Variants in ANO7 observed in about 807,000 individuals in gnomAD.
ANO7 encodes the protein anoctamin-7.
A neutral mutation model predicts 115.8 loss-of-function variants in ANO7; 114 were observed. The observed-to-expected ratio is 0.98, with a 90% CI of 0.85 to 1.15. The LOEUF is 1.15. Among genes scored for constraint, ANO7 ranks in the 50% most tolerant of loss-of-function variants. The probability of loss-of-function intolerance (pLI) is 0.00; values close to 1 mark genes in which losing one functional copy is unlikely to be tolerated. For missense variants in ANO7, 1,302 were observed against 1,201.2 expected, an observed-to-expected ratio of 1.08 and a Z score of -1.24; for synonymous variants, 550 against 498.2, an observed-to-expected ratio of 1.10 and a Z score of -1.38.
chr2:241,236,218 C>CAGGTGGCA, the ANO7 span: 1 of 253,328 alleles, frequency 3.9e-6, no homozygotes, highest in Non-Finnish European at 7.6e-6. Flanking sequence ...ATCCAGTACG[C>CAGGTGGCA]AGGTGGCACT....
downstream of ANO7, chr2:241,230,953 G>A (rs755132007): frequency 1.5e-5 from 24 of 1,610,512 alleles, no homozygotes; most frequent in African/African-American, 5.3e-5. The surrounding 1 kb of genome is among the most constrained non-coding windows in gnomAD (Gnocchi z 5.0). Context: ...GGCTAAAAAA[G>A]GAGAATGTAG....
downstream of ANO7, chr2:241,229,766 A>T: frequency 6.3e-7 from 1 of 1,599,248 alleles, no homozygotes; most frequent in Non-Finnish European, 8.5e-7. Flanking sequence ...TGCCACCCTC[A>T]GGACACCAAG....
At chr2:241,238,821 G>A in the ANO7 span, 1 of 1,464,344 alleles carries the variant, frequency 6.8e-7, no homozygotes, top group Non-Finnish European at 9.1e-7. The surrounding 1 kb of genome is among the most constrained non-coding windows in gnomAD (Gnocchi z 4.9). Context: ...AAAGAAAAGA[G>A]CAAAGATTAA....
intron 9 of ANO7, among the ~76,000 whole-genome samples, 160 bp from the exon 10 acceptor site, chr2:241,204,705 C>T (rs1181603585): frequency 6.6e-6 from 1 of 152,096 alleles, no homozygotes; most frequent in Non-Finnish European, 1.5e-5. Context: ...GCCAGAGCTG[C>T]CAGGGAGAGC....
chr2:241,214,706 G>A (rs1477336855), intron 17 of ANO7, 99 bp from the exon 18 acceptor site: 2 of 1,063,758 alleles, frequency 1.9e-6, no homozygotes, highest in Non-Finnish European at 2.8e-6. Flanking sequence ...TCAGGAGGGA[G>A]GTGGGGGCCG....
intron 5 of ANO7, 109 bp downstream of exon 5, chr2:241,199,532 CAG>C (rs1296902776): frequency 1.8e-6 from 2 of 1,095,720 alleles, no homozygotes; most frequent in East Asian, 2.6e-5. Flanking sequence ...TCAGAGGCCT[CAG>C]GGGCTCCTCC....
chr2:241,233,580 G>T, the ANO7 span, among the ~76,000 whole-genome samples: 1 of 152,094 alleles, frequency 6.6e-6, no homozygotes, highest in Non-Finnish European at 1.5e-5. The surrounding 1 kb of genome is among the most constrained non-coding windows in gnomAD (Gnocchi z 4.3). Context: ...TCATTTTCTG[G>T]AAGGAGACGC....
the ANO7 span, chr2:241,231,067 C>G: frequency 1.2e-6 from 1 of 819,118 alleles, no homozygotes; most frequent in Admixed American, 2.4e-5. Context: ...AACGTCACGG[C>G]TGATTTAAAA....
rs369550339 is a variant in ANO7 at position 241,210,343 on chromosome 2, A to G, written c.1408A>G (p.Ile470Val). The change falls in exon 14 of 25, where the codon ATC becomes GTC. Residue 470 changes from isoleucine to valine, a missense_variant. By Grantham distance (29) the Ile-to-Val change is conservative. Transcript: ENST00000674324. ...CLVSIILYRA[I>V]MAIVVSRSGN... ...CGTGTCTATCATCCTGTACCGTGCC[A>G]TCATGGCCATCGTGGTGTCCAGGTC... 3 of 1,613,902 alleles carry G rather than the reference A, an allele frequency of 1.9e-6. No homozygotes were observed. The African/African-American group carries it at 4.0e-5, about 22-fold the overall frequency.
chr2:241,190,354 T>A (rs4675985), intron 2 of ANO7, among the ~76,000 whole-genome samples, 183 bp downstream of exon 2: 41 of 152,088 alleles, frequency 2.7e-4, no homozygotes, highest in Non-Finnish European at 4.9e-4. Flanking sequence ...ATCACCGCTC[T>A]CCTGGCCTGG....
the ANO7 span, chr2:241,235,578 G>C: frequency 6.2e-7 from 1 of 1,613,730 alleles, no homozygotes; most frequent in African/African-American, 1.3e-5. Context: ...TACTTCAATG[G>C]TGACAGGAAC....
the ANO7 span, chr2:241,233,770 A>G: frequency 1.2e-6 from 2 of 1,609,410 alleles, no homozygotes; most frequent in Non-Finnish European, 1.7e-6. The surrounding 1 kb of genome is among the most constrained non-coding windows in gnomAD (Gnocchi z 4.3). Context: ...AGTCACAGGA[A>G]AGGTCAACAA....
intron 22 of ANO7, 44 bp downstream of exon 22, chr2:241,223,320 C>T: frequency 6.2e-7 from 1 of 1,603,870 alleles, no homozygotes; most frequent in Non-Finnish European, 8.5e-7. Flanking sequence ...GGCATGAGGC[C>T]CCGACCCTGT....
In ANO7 at chr2:241,201,254, C is replaced by T. The variant is rs554652012; in HGVS notation, c.555-44C>T. ...CAAACCTTCTGCACCGTTCACATGCCCACAGCTTCCTCCAAACCTTCTGCA... is the reference window on the plus strand; with the variant it reads ...CAAACCTTCTGCACCGTTCACATGCTCACAGCTTCCTCCAAACCTTCTGCA... On this transcript the variant is annotated intron_variant, in intron 6 of 24. Coordinates refer to ENST00000674324, the MANE Select transcript of ANO7 (RefSeq NM_001370694.2). 1.9e-4 allele frequency: 294 copies of T among 1,530,842 alleles called. 3 individuals carry two copies. In the Middle Eastern group the frequency reaches 3.9e-3, roughly 20 times the overall value. The allele number at this position is 1,530,842 out of a possible 1,614,324, so 94.8% of individuals were successfully genotyped here.
intron 1 of ANO7, among the ~76,000 whole-genome samples, chr2:241,189,724 G>C (rs1464054289): frequency 6.6e-6 from 1 of 152,092 alleles, no homozygotes. Context: ...CACCTTTCTG[G>C]GCCTTCTCAG....
Position 241,203,632 on chromosome 2 carries a change from G to A in ANO7, c.889+134G>A, listed in dbSNP as rs555889782. On this transcript the variant is annotated intron_variant, in intron 9 of 24. Transcript: ENST00000674324. This position sits in a 1 kb window ranked among gnomAD's most constrained non-coding sequence, Gnocchi z 4.8. The stretch of plus-strand genomic sequence containing the variant: ...GGACGGTGGGCGCAGCTCTTGGCTC[G>A]ACCGGGCTGCCCTCCTGGCTCCCCT... 4.7e-4 allele frequency: 296 copies of A among 627,644 alleles called. 2 individuals are homozygous for A. The highest frequency in any genetic ancestry group is 1.0e-4 in the East Asian group (3 of 29,138). 38.9% of individuals were successfully genotyped at this position (627,644 alleles called of 1,614,324 possible). A position where few individuals can be genotyped will look rare whatever the true frequency, so the allele number is the denominator to read the frequency against.
chr2:241,221,372 G>A (rs150064156), intron 21 of ANO7, among the ~76,000 whole-genome samples: 1,878 of 149,522 alleles, frequency 0.013, 45 homozygotes, highest in African/African-American at 0.044. Flanking sequence ...CACCTTTCAC[G>A]CCCGTCCTAT....
At chr2:241,220,174 A>G (rs1468307320) in intron 21 of ANO7, among the ~76,000 whole-genome samples, 1 of 152,144 alleles carries the variant, frequency 6.6e-6, no homozygotes, top group Non-Finnish European at 1.5e-5. Context: ...ATCCTTTAGT[A>G]ATTCTTTCAG....
chr2:241,222,885 G>A (rs1162821068), intron 21 of ANO7, among the ~76,000 whole-genome samples: 1 of 152,194 alleles, frequency 6.6e-6, no homozygotes, highest in Non-Finnish European at 1.5e-5. Flanking sequence ...CAGACGTACT[G>A]GACTGTCACA....
Sources: allele counts gnomAD v4.1 joint callset (sites outside exome capture counted in the v4.1 genomes callset), GRCh38; gene constraint gnomAD v4.1.1; non-coding constraint Gnocchi (gnomAD v3.1); transcripts MANE v1.5; gene names NCBI Gene and HGNC (gene_info 2026-07-23, HGNC 2026-07-21).